The following RGSL1 variants were observed in gnomAD, a reference collection of about 807,000 sequenced individuals.
The protein encoded by RGSL1 is regulator of G protein signaling protein-like.
Under a neutral mutation model 124.7 loss-of-function variants are expected in RGSL1, and 97 were observed. That is an observed-to-expected ratio of 0.78 (90% confidence interval 0.66 to 0.92). RGSL1 has a LOEUF of 0.92. Ranked by LOEUF, RGSL1 falls within the 40% of genes least tolerant of loss-of-function variation. The probability of loss-of-function intolerance (pLI) is 0.00; values close to 1 mark genes in which losing one functional copy is unlikely to be tolerated. For missense variants in RGSL1, 1,233 were observed against 1,288.4 expected, an observed-to-expected ratio of 0.96 and a Z score of 0.66; for synonymous variants, 424 against 438.1, an observed-to-expected ratio of 0.97 and a Z score of 0.40.
intron 4 of RGSL1, among the ~76,000 whole-genome samples, chr1:182,470,991 T>C (rs889763967): frequency 6.6e-6 from 1 of 152,104 alleles, no homozygotes; most frequent in Non-Finnish European, 1.5e-5. Context: ...AAATGCACAC[T>C]AAGGGCAAAG....
intron 9 of RGSL1, among the ~76,000 whole-genome samples, chr1:182,500,524 C>T (rs931596084): frequency 1.3e-5 from 2 of 151,946 alleles, no homozygotes; most frequent in African/African-American, 4.8e-5. Context: ...TTTGGACCAA[C>T]TTTTCCATTT....
intron 14 of RGSL1, among the ~76,000 whole-genome samples, chr1:182,536,381 C>G (rs1478796633): frequency 6.6e-5 from 10 of 152,156 alleles, no homozygotes; most frequent in Admixed American, 6.5e-4. Context: ...AAGCTGTTTT[C>G]CAAAGTGATT....
At position 182,453,973 on chromosome 1, in the gene RGSL1, C is replaced by A; in HGVS notation, c.29C>A (p.Thr10Lys). The change falls in exon 2 of 22, where the codon ACA (threonine) becomes AAA (lysine). Residue 10 changes from threonine to lysine, a missense_variant. Thr to Lys is a moderately conservative substitution (Grantham distance 78). Transcript: ENST00000294854. ...CTCCATATAGAGATAATTGGTTCTACAAATCTTATAATTCTGCTAGAGGAT... is the reference window on the plus strand; with the variant it reads ...CTCCATATAGAGATAATTGGTTCTAAAAATCTTATAATTCTGCTAGAGGAT... MSSAEIIGS[T>K]NLIILLEDEV... The A allele has an allele frequency of 6.6e-7, 1 of 1,523,106 alleles. No homozygotes were observed. Among genetic ancestry groups the A allele is most frequent in the Non-Finnish European group, 8.9e-7 (1 of 1,121,184 alleles). 94.3% of individuals were successfully genotyped at this position (1,523,106 alleles called of 1,614,324 possible).
At chr1:182,489,674 G>A (rs1338550264) in intron 8 of RGSL1, among the ~76,000 whole-genome samples, 2 of 152,222 alleles carry the variant, frequency 1.3e-5, no homozygotes, top group Admixed American at 6.5e-5. Context: ...GAGAGACATC[G>A]TTAGGAGCAA....
intron 14 of RGSL1, among the ~76,000 whole-genome samples, chr1:182,538,789 C>T (rs1659708961): frequency 6.6e-6 from 1 of 152,136 alleles, no homozygotes; most frequent in Admixed American, 6.5e-5. Context: ...AGGCACCTCC[C>T]TCACCTTAGC....
At chr1:182,506,309 C>T (rs533238599) in intron 9 of RGSL1, among the ~76,000 whole-genome samples, 2 of 152,220 alleles carry the variant, frequency 1.3e-5, no homozygotes, top group South Asian at 4.1e-4. Context: ...AGCACATTCA[C>T]ATTTTCTGTA....
rs1659249083 is a variant in RGSL1, at chr1:182,532,554, G to T, written c.2365-108G>T. 3 of 983,342 alleles carry T rather than the reference G, an allele frequency of 3.1e-6. No homozygotes were observed. In the Admixed American group the frequency reaches 8.0e-5, roughly 26 times the overall value. 60.9% of individuals were successfully genotyped at this position (983,342 alleles called of 1,614,324 possible). A position where few individuals can be genotyped will look rare whatever the true frequency, so the allele number is the denominator to read the frequency against. On this transcript the variant is annotated intron_variant, in intron 13 of 21. Coordinates refer to ENST00000294854, the MANE Select transcript of RGSL1 (RefSeq NM_001137669.2). ...AGCTAAAAATTATTCCTTTACGGAGGTGTTGTGAGGATTAAATGTAGTGAA... is the reference window on the plus strand; with the variant it reads ...AGCTAAAAATTATTCCTTTACGGAGTTGTTGTGAGGATTAAATGTAGTGAA...
chr1:182,472,975 T>C (rs1653973968), intron 5 of RGSL1, among the ~76,000 whole-genome samples: 1 of 152,238 alleles, frequency 6.6e-6, no homozygotes, highest in East Asian at 1.9e-4. Flanking sequence ...GCTAATTTTA[T>C]GTGATTTACA....
intron 6 of RGSL1, 85 bp from the exon 7 acceptor site, chr1:182,488,200 C>A (rs1571551046): frequency 2.3e-6 from 3 of 1,332,634 alleles, no homozygotes; most frequent in Admixed American, 2.0e-5. Flanking sequence ...CTTCAGCCTA[C>A]TCTGCTCCCA....
chr1:182,511,921 C>A (rs942484761), intron 9 of RGSL1, among the ~76,000 whole-genome samples: 1 of 151,948 alleles, frequency 6.6e-6, no homozygotes, highest in Non-Finnish European at 1.5e-5. Flanking sequence ...CTTTCATCAG[C>A]GTTTTGTAAT....
At chr1:182,512,590 GCCC>G (rs1657543763) in intron 9 of RGSL1, among the ~76,000 whole-genome samples, 1 of 152,142 alleles carries the variant, frequency 6.6e-6, no homozygotes, top group Non-Finnish European at 1.5e-5. Context: ...GATTCTCAAA[GCCC>G]CAGTGTGTGT....
At chr1:182,463,810 A>G (rs909982725) in intron 4 of RGSL1, among the ~76,000 whole-genome samples, 3 of 152,228 alleles carry the variant, frequency 2.0e-5, no homozygotes, top group African/African-American at 7.2e-5. Flanking sequence ...TAGAATAGTA[A>G]GACAGAAGAT....
At chr1:182,537,383 T>C (rs1659618097) in intron 14 of RGSL1, among the ~76,000 whole-genome samples, 1 of 152,226 alleles carries the variant, frequency 6.6e-6, no homozygotes, top group Admixed American at 6.5e-5. Context: ...TCTCATTGTG[T>C]ATATGCACAT....
chr1:182,489,877 A>C (rs567773037), intron 8 of RGSL1, among the ~76,000 whole-genome samples: 1 of 152,230 alleles, frequency 6.6e-6, no homozygotes, highest in Non-Finnish European at 1.5e-5. Flanking sequence ...ATCACTTAAG[A>C]GTTCAATACT....
intron 6 of RGSL1, among the ~76,000 whole-genome samples, chr1:182,475,016 G>A (rs570202026): frequency 5.9e-5 from 9 of 152,286 alleles, no homozygotes; most frequent in Non-Finnish European, 7.4e-5. Context: ...GTTGGGGACC[G>A]CTGTCTCAAG....
intron 14 of RGSL1, 125 bp downstream of exon 14, chr1:182,532,916 G>A (rs1281138954): frequency 2.8e-6 from 3 of 1,063,348 alleles, no homozygotes; most frequent in Non-Finnish European, 3.9e-6. Context: ...AAAAAACCCA[G>A]GTCCTGTGTG....
chr1:182,450,062 C>T, upstream of RGSL1: 1 of 1,343,270 alleles, frequency 7.4e-7, no homozygotes. Context: ...AATCTGGAAC[C>T]CCTTAGAGAA....
At chr1:182,525,828 T>C (rs942466604) in intron 10 of RGSL1, among the ~76,000 whole-genome samples, 5 of 147,346 alleles carry the variant, frequency 3.4e-5, no homozygotes, top group African/African-American at 7.6e-5. Flanking sequence ...TAGAGATTAA[T>C]AAAATTGTTA....
At chr1:182,519,109 C>T (rs1420972909) in intron 9 of RGSL1, among the ~76,000 whole-genome samples, 3 of 152,020 alleles carry the variant, frequency 2.0e-5, no homozygotes, top group Non-Finnish European at 4.4e-5. Context: ...GCATCCCTGA[C>T]ATATTAAAGT....
Sources: gnomAD v4.1 joint callset for allele counts (sites outside exome capture counted in the v4.1 genomes callset) on GRCh38, gnomAD v4.1.1 for gene constraint, MANE v1.5 for transcripts, NCBI Gene and HGNC (gene_info 2026-07-23, HGNC 2026-07-21) for gene names.